The following GLIS3 variants were observed in gnomAD, a reference collection of about 807,000 sequenced individuals.
GLIS3 encodes zinc finger protein GLIS3.
Under a neutral mutation model 78.6 loss-of-function variants are expected in GLIS3, and 53 were observed. The ratio of observed to expected loss-of-function variants is 0.67; its 90% CI spans 0.54 to 0.85. The LOEUF (loss-of-function observed/expected upper bound fraction) is 0.85, where lower values mean the gene tolerates loss of function less well. Among genes scored for constraint, GLIS3 ranks in the 40% least tolerant of loss-of-function variants. GLIS3 has a pLI of 0.00. For synonymous variants in GLIS3, 684 were observed against 509.9 expected (o/e 1.34, Z -4.60); for missense variants, 1,703 against 1,231.1 (o/e 1.38, Z -5.74).
At chr9:4,179,268 T>G (rs1817080432) in intron 2 of GLIS3, among the ~76,000 whole-genome samples, 1 of 152,202 alleles carries the variant, frequency 6.6e-6, no homozygotes, top group Non-Finnish European at 1.5e-5. Context: ...GCCAAAAAGT[T>G]ACTCTTCTTT....
chr9:4,289,924 A>G (rs1050901581), intron 1 of GLIS3, among the ~76,000 whole-genome samples: 32 of 152,164 alleles, frequency 2.1e-4, no homozygotes, highest in African/African-American at 7.2e-4. Flanking sequence ...GCACAAAACC[A>G]TTTAGTAATT....
chr9:4,363,371 T>C, the GLIS3 span, among the ~76,000 whole-genome samples: 3,463 of 152,190 alleles, frequency 0.023, 136 homozygotes, highest in African/African-American at 0.079. Flanking sequence ...TGCAGTGAGC[T>C]GAGATGGCAC....
intron 9 of GLIS3, among the ~76,000 whole-genome samples, chr9:3,843,018 G>C (rs377560215): frequency 6.6e-6 from 1 of 152,128 alleles, no homozygotes; most frequent in African/African-American, 2.4e-5. Context: ...CAGATGACTT[G>C]CCTGGCTCTC....
intron 2 of GLIS3, among the ~76,000 whole-genome samples, chr9:4,181,092 C>G (rs1259522843): frequency 6.6e-6 from 1 of 152,198 alleles, no homozygotes; most frequent in Admixed American, 6.5e-5. Context: ...CTAAGATGAG[C>G]AGATGCCTGG....
intron 9 of GLIS3, among the ~76,000 whole-genome samples, chr9:3,830,391 T>G (rs1450000824): frequency 3.3e-5 from 5 of 152,212 alleles, no homozygotes; most frequent in African/African-American, 1.2e-4. Flanking sequence ...AAATCTTAGT[T>G]CCGTACATTA....
chr9:4,472,381 A>G, the GLIS3 span, among the ~76,000 whole-genome samples: 134 of 152,312 alleles, frequency 8.8e-4, 1 homozygote, highest in Admixed American at 2.9e-3. Flanking sequence ...TGATAGACTG[A>G]ATTAAGAAAA....
At chr9:4,189,851 A>T (rs1237301505) in intron 2 of GLIS3, among the ~76,000 whole-genome samples, 1 of 151,926 alleles carries the variant, frequency 6.6e-6, no homozygotes, top group Non-Finnish European at 1.5e-5. Context: ...TTTGCTTGGT[A>T]GATCTTCCTT....
intron 2 of GLIS3, among the ~76,000 whole-genome samples, chr9:4,205,931 T>G (rs933921215): frequency 6.6e-6 from 1 of 152,214 alleles, no homozygotes; most frequent in African/African-American, 2.4e-5. Flanking sequence ...TCAGGTGTGG[T>G]CAACAGGATT....
chr9:3,942,155 G>A (rs1362113689), intron 4 of GLIS3, among the ~76,000 whole-genome samples: 1 of 152,166 alleles, frequency 6.6e-6, no homozygotes, highest in Admixed American at 6.5e-5. Flanking sequence ...AACCTTTCCT[G>A]ATCGGGTTTC....
intron 2 of GLIS3, among the ~76,000 whole-genome samples, 163 bp from the exon 3 acceptor site, chr9:4,126,104 A>G (rs1392992984): frequency 6.6e-6 from 1 of 152,144 alleles, no homozygotes; most frequent in Non-Finnish European, 1.5e-5. Flanking sequence ...AATTCCAATG[A>G]CAAAGCCATA....
At chr9:4,364,708 C>CTT in the GLIS3 span, among the ~76,000 whole-genome samples, 1 of 80,240 alleles carries the variant, frequency 1.2e-5, no homozygotes, top group Non-Finnish European at 2.6e-5. Context: ...TTTTATTACA[C>CTT]TTTATATATA....
At chr9:4,042,060 C>G (rs1298261126) in intron 4 of GLIS3, among the ~76,000 whole-genome samples, 2 of 152,154 alleles carry the variant, frequency 1.3e-5, no homozygotes, top group African/African-American at 4.8e-5. Flanking sequence ...AGCTACAGGC[C>G]TCATCTACAG....
rs1395045777 is a variant in GLIS3, at chr9:4,118,091, G to A, written c.1387C>T (p.His463Tyr). 6.4e-7 allele frequency: 1 copy of A among 1,560,248 alleles called. No individual in the cohort carries two copies. Among genetic ancestry groups the A allele is most frequent in the Non-Finnish European group, 8.7e-7 (1 of 1,152,272 alleles). Residue 463 changes from histidine to tyrosine, a missense_variant, in exon 4 of 11, where the codon CAT becomes TAT. Physicochemically the swap from His to Tyr is moderately conservative, Grantham distance 83. Coordinates refer to ENST00000381971, the MANE Select transcript of GLIS3 (RefSeq NM_001042413.2). This position sits in a 1 kb window ranked among gnomAD's most constrained non-coding sequence, Gnocchi z 4.7. ...GGGTGGTGAAGGTGCGCATGGGCAT[G>A]GTAAGGGGGTGGGGGGCCTGGGGGC... ...PPPPGPPPPY[H>Y]AHAHLHHPEL...
At chr9:3,886,248 T>A (rs939708086) in intron 7 of GLIS3, among the ~76,000 whole-genome samples, 17 of 152,326 alleles carry the variant, frequency 1.1e-4, no homozygotes, top group African/African-American at 4.1e-4. Context: ...AGAGTTTACA[T>A]ACCATTCTCA....
the GLIS3 span, among the ~76,000 whole-genome samples, chr9:4,445,184 T>C: frequency 6.6e-6 from 1 of 152,232 alleles, no homozygotes; most frequent in Non-Finnish European, 1.5e-5. Context: ...TTTATTCATG[T>C]GGTCAATCAG....
At chr9:4,447,340 A>G in the GLIS3 span, among the ~76,000 whole-genome samples, 1 of 151,974 alleles carries the variant, frequency 6.6e-6, no homozygotes, top group Non-Finnish European at 1.5e-5. Flanking sequence ...GTGAGCTACC[A>G]TGCCTGATAC....
intron 2 of GLIS3, among the ~76,000 whole-genome samples, chr9:4,177,797 G>T (rs1228259550): frequency 6.6e-6 from 1 of 152,130 alleles, no homozygotes; most frequent in Non-Finnish European, 1.5e-5. Context: ...AAGTGCAGTT[G>T]GTGCCAACAA....
intron 2 of GLIS3, among the ~76,000 whole-genome samples, chr9:4,189,436 C>T (rs4501633): frequency 1.3e-5 from 2 of 152,106 alleles, no homozygotes; most frequent in African/African-American, 4.8e-5. Context: ...TTTTGGAATA[C>T]GTGTGGTGTG....
At chr9:4,285,175 G>T (rs982021251) in intron 2 of GLIS3, among the ~76,000 whole-genome samples, 1 of 152,106 alleles carries the variant, frequency 6.6e-6, no homozygotes, top group Non-Finnish European at 1.5e-5. Flanking sequence ...AATACCTTAA[G>T]GAATATATAA....
Sources: allele counts gnomAD v4.1 joint callset (sites outside exome capture counted in the v4.1 genomes callset), GRCh38; gene constraint gnomAD v4.1.1; non-coding constraint Gnocchi (gnomAD v3.1); transcripts MANE v1.5; gene names NCBI Gene and HGNC (gene_info 2026-07-23, HGNC 2026-07-21).